Variants in NLK observed in about 807,000 individuals in gnomAD.
NLK encodes the protein nemo like kinase.
In NLK, 11 loss-of-function variants were observed where a neutral mutation model predicts 59.0. The ratio of observed to expected loss-of-function variants is 0.19; its 90% confidence interval spans 0.12 to 0.31. The LOEUF is 0.31. NLK is among the 10% of genes least tolerant of loss of function. The pLI is 1.00. For missense variants in NLK, 410 were observed against 661.1 expected (o/e 0.62, Z 4.16); for synonymous variants, 235 against 235.9 (o/e 1.00, Z 0.03).
intron 1 of NLK, among the ~76,000 whole-genome samples, chr17:28,110,931 G>A (rs1905442975): frequency 6.6e-6 from 1 of 150,474 alleles, no homozygotes; most frequent in Non-Finnish European, 1.5e-5. Context: ...TGCAAGCTCC[G>A]CCTCCCGGGT....
intron 1 of NLK, among the ~76,000 whole-genome samples, chr17:28,093,441 C>G (rs1045569065): frequency 6.6e-6 from 1 of 152,290 alleles, no homozygotes. Context: ...ATTCCCCTTA[C>G]TCCATAGGCA....
intron 6 of NLK, chr17:28,171,394 G>A (rs957522417): frequency 6.6e-6 from 1 of 152,158 alleles, no homozygotes; most frequent in African/African-American, 2.4e-5. Flanking sequence ...TTGCTAATTA[G>A]GTTATGAAGT....
intron 1 of NLK, among the ~76,000 whole-genome samples, chr17:28,054,639 A>C (rs1174040620): frequency 2.0e-5 from 3 of 152,274 alleles, no homozygotes; most frequent in African/African-American, 7.2e-5. Flanking sequence ...GAAAAGAATC[A>C]TAATTTTAAG....
chr17:28,122,088 A>G (rs577906532), intron 1 of NLK, among the ~76,000 whole-genome samples: 5 of 152,318 alleles, frequency 3.3e-5, no homozygotes, highest in Admixed American at 6.5e-5. Context: ...TAAGGAGGGG[A>G]CAGTGTTCAA....
chr17:28,066,896 C>T (rs774854634), intron 1 of NLK, among the ~76,000 whole-genome samples: 1 of 152,104 alleles, frequency 6.6e-6, no homozygotes. Flanking sequence ...TCTCTGTATC[C>T]TTTTTTGTAA....
chr17:28,168,236 T>C (rs901478421), intron 5 of NLK, among the ~76,000 whole-genome samples: 4 of 151,118 alleles, frequency 2.6e-5, no homozygotes, highest in African/African-American at 9.7e-5. Flanking sequence ...TTCGGGAGGC[T>C]GAGGCAGAAG....
chr17:28,127,110 T>C (rs1437666164), intron 2 of NLK, among the ~76,000 whole-genome samples: 1 of 152,184 alleles, frequency 6.6e-6, no homozygotes, highest in East Asian at 1.9e-4. Flanking sequence ...TTTTCTTGTC[T>C]TTAGACAATA....
At chr17:28,183,159 T>C (rs575751816) in intron 7 of NLK, among the ~76,000 whole-genome samples, 56 of 152,240 alleles carry the variant, frequency 3.7e-4, no homozygotes, top group African/African-American at 1.1e-3. Flanking sequence ...CTGGGCAACA[T>C]AGCAAGACTC....
rs188583931 is a variant in NLK at position 28,140,512 on chromosome 17, A to C, written c.644+7837A>C. Among the ~76,000 whole-genome samples the C allele has an allele frequency of 2.5e-4, 38 of 152,324 alleles. No individual in the cohort carries two copies. In the East Asian group the frequency reaches 6.7e-3, roughly 27 times the overall value. On this transcript the variant is annotated intron_variant, in intron 3 of 10. Coordinates refer to ENST00000407008, the MANE Select transcript of NLK (RefSeq NM_016231.5). ...GAGAGGCAGTGACTGTCGTGAAAGA[A>C]GAACAGAATGATGCTTGGCATTTTC...
At chr17:28,050,559 A>T (rs1049095574) in intron 1 of NLK, among the ~76,000 whole-genome samples, 6 of 152,312 alleles carry the variant, frequency 3.9e-5, no homozygotes, top group African/African-American at 9.6e-5. Flanking sequence ...TAAAACTGCG[A>T]ATGGCAACTA....
At chr17:28,184,658 A>G (rs1909045083) in intron 7 of NLK, among the ~76,000 whole-genome samples, 3 of 152,186 alleles carry the variant, frequency 2.0e-5, no homozygotes, top group South Asian at 4.1e-4. Flanking sequence ...CAATGTAAAA[A>G]TCTACGGGGA....
intron 1 of NLK, among the ~76,000 whole-genome samples, chr17:28,079,378 A>T (rs1470312349): frequency 6.6e-6 from 1 of 152,198 alleles, no homozygotes; most frequent in Non-Finnish European, 1.5e-5. Flanking sequence ...GATATATGTC[A>T]ATAAGTAGGG....
rs182228843 is a variant in NLK, at chr17:28,104,969, A to G, written c.459-17634A>G. On this transcript the variant is annotated intron_variant, in intron 1 of 10. Coordinates refer to ENST00000407008, the MANE Select transcript of NLK (RefSeq NM_016231.5). ...CAAACTCCCACACTGAAACTGTTGC[A>G]TTATTGAATCCCAGTTTTAGTTCTT... Among the ~76,000 whole-genome samples, 4 of 152,316 alleles carry G rather than the reference A, an allele frequency of 2.6e-5. No homozygotes were observed. The East Asian group carries it at 7.7e-4, about 29-fold the overall frequency.
chr17:28,142,638 A>G (rs907810775), intron 3 of NLK, among the ~76,000 whole-genome samples: 3 of 152,134 alleles, frequency 2.0e-5, no homozygotes, highest in African/African-American at 7.2e-5. Flanking sequence ...ACGCTATTCA[A>G]TGCCCTCACT....
At chr17:28,203,164 T>TACACACACACACACACACACAC in the NLK span, among the ~76,000 whole-genome samples, 374 of 137,010 alleles carry the variant, frequency 2.7e-3, 8 homozygotes, top group African/African-American at 7.2e-3. Flanking sequence ...TATACATACA[T>TACACACACACACACACACACAC]ACACACACAC....
intron 1 of NLK, among the ~76,000 whole-genome samples, chr17:28,099,289 A>G (rs1477704328): frequency 1.3e-5 from 2 of 152,090 alleles, no homozygotes; most frequent in Non-Finnish European, 2.9e-5. Context: ...TTTACATACA[A>G]CAAAATTCAC....
At chr17:28,183,089 C>T (rs1027661369) in intron 7 of NLK, among the ~76,000 whole-genome samples, 3 of 152,118 alleles carry the variant, frequency 2.0e-5, no homozygotes, top group Admixed American at 6.6e-5. Flanking sequence ...GGCACAGTGG[C>T]GTGTGCCTTT....
At chr17:28,143,821 A>G (rs1907117615) in intron 3 of NLK, among the ~76,000 whole-genome samples, 1 of 152,238 alleles carries the variant, frequency 6.6e-6, no homozygotes, top group Non-Finnish European at 1.5e-5. Context: ...AGACAGTATC[A>G]CAACTTTTCA....
intron 7 of NLK, among the ~76,000 whole-genome samples, chr17:28,174,850 C>T (rs1908608936): frequency 6.6e-6 from 1 of 152,142 alleles, no homozygotes; most frequent in Non-Finnish European, 1.5e-5. Context: ...TCACCAACCA[C>T]ATGATGCATA....
Sources: gnomAD v4.1 joint callset for allele counts (sites outside exome capture counted in the v4.1 genomes callset) on GRCh38, gnomAD v4.1.1 for gene constraint, MANE v1.5 for transcripts, NCBI Gene and HGNC (gene_info 2026-07-23, HGNC 2026-07-21) for gene names.